ERI1: variants seen among roughly 807,000 people sequenced by gnomAD.
The protein encoded by ERI1 is exoribonuclease 1, also known as 3'-5' exoribonuclease 1.
Under a neutral mutation model 39.7 loss-of-function variants are expected in ERI1, and 39 were observed. The ratio of observed to expected loss-of-function variants is 0.98; its 90% CI spans 0.76 to 1.28. The LOEUF (loss-of-function observed/expected upper bound fraction) is 1.28. ERI1 is among the 50% of genes most tolerant of loss of function. The pLI is 0.00. For synonymous variants in ERI1, 204 were observed against 149.6 expected (o/e 1.36, Z -2.65); for missense variants, 581 against 416.9 (o/e 1.39, Z -3.43).
chr8:9,048,204 G>T (rs1478702811), intron 3 of ERI1, among the ~76,000 whole-genome samples: 1 of 152,258 alleles, frequency 6.6e-6, no homozygotes, highest in African/African-American at 2.4e-5. Context: ...GACCAGCGCA[G>T]ACGCTGGGCT....
chr8:9,068,605 C>T lies in ERI1; in HGVS notation n.300-47743C>T, dbSNP rs140485343. Among the ~76,000 whole-genome samples, 1,138 of 152,228 alleles carry T rather than the reference C, an allele frequency of 7.5e-3. 5 individuals are homozygous for T. The highest frequency in any genetic ancestry group is 0.011 in the Non-Finnish European group (755 of 68,000). ...CACCAAGCAAAGCAACCTCCTCCCT[C>T]GCCTTTAGGGTCCTCATATCCATGC... On this transcript the variant is annotated intron_variant and non_coding_transcript_variant, in intron 3 of 3. Coordinates refer to the ERI1 transcript ENST00000518663.
downstream of ERI1, among the ~76,000 whole-genome samples, chr8:9,037,465 G>T (rs1457277110): frequency 1.3e-5 from 2 of 150,684 alleles, no homozygotes; most frequent in Non-Finnish European, 1.5e-5. Context: ...CCCTTCATTT[G>T]TGCTGCAGAG....
At chr8:9,075,763 T>A (rs73520712) in intron 3 of ERI1, among the ~76,000 whole-genome samples, 7,285 of 152,298 alleles carry the variant, frequency 0.048, 537 homozygotes, top group African/African-American at 0.16. Context: ...CTATTAGGTT[T>A]ACTATTACAG....
intron 4 of ERI1, among the ~76,000 whole-genome samples, 178 bp downstream of exon 4, chr8:9,016,583 A>G (rs992424657): frequency 2.0e-5 from 3 of 152,030 alleles, no homozygotes; most frequent in Admixed American, 1.3e-4. Flanking sequence ...ATATCTGGTA[A>G]CATTTTCCTC....
chr8:9,083,390 G>A (rs1164994812), intron 3 of ERI1, among the ~76,000 whole-genome samples: 1 of 151,960 alleles, frequency 6.6e-6, no homozygotes. Flanking sequence ...ACCATCTAGG[G>A]GTCAAAAATT....
Position 9,015,412 on chromosome 8 carries a change from A to T in ERI1, c.499-910A>T, listed in dbSNP as rs111889438. Among the ~76,000 whole-genome samples the T allele has an allele frequency of 8.5e-3, 1,292 of 152,252 alleles. 30 individuals carry two copies. In the South Asian group the frequency reaches 0.092, roughly 11 times the overall value. ...AGTGTGTTCTGGTTAGGGAGGCATT[A>T]CTGGCTAGAGGAAAAAGCACTTAGA... On this transcript the variant is annotated intron_variant, in intron 3 of 6. Coordinates refer to ENST00000250263, the MANE Select transcript of ERI1 (RefSeq NM_153332.4).
chr8:9,050,084 A>G (rs1481840567), intron 3 of ERI1, among the ~76,000 whole-genome samples: 1 of 152,046 alleles, frequency 6.6e-6, no homozygotes, highest in Non-Finnish European at 1.5e-5. Context: ...AACTAATACT[A>G]TACCCCTCAC....
At chr8:9,013,445 C>G (rs144493404) in intron 3 of ERI1, among the ~76,000 whole-genome samples, 2 of 152,136 alleles carry the variant, frequency 1.3e-5, no homozygotes, top group East Asian at 3.9e-4. Context: ...GGATTCCCCA[C>G]TTGCAGTTTT....
At chr8:9,093,504 T>TAAAA (rs1040785856) in intron 3 of ERI1, among the ~76,000 whole-genome samples, 2 of 124,852 alleles carry the variant, frequency 1.6e-5, no homozygotes, top group African/African-American at 2.9e-5. Context: ...ACCTTGTCTC[T>TAAAA]AAAAAAAAAA....
chr8:9,006,237 C>A (rs1816008910), intron 1 of ERI1, among the ~76,000 whole-genome samples: 1 of 152,166 alleles, frequency 6.6e-6, no homozygotes, highest in Non-Finnish European at 1.5e-5. Flanking sequence ...ACACTGCTTT[C>A]TGAGGATTGG....
At chr8:9,024,053 G>A (rs1317075503) in intron 6 of ERI1, among the ~76,000 whole-genome samples, 1 of 152,022 alleles carries the variant, frequency 6.6e-6, no homozygotes, top group Non-Finnish European at 1.5e-5. Context: ...GCACACCTTG[G>A]CCGTCCAAAG....
chr8:9,024,054 C>T (rs537246700), intron 6 of ERI1, among the ~76,000 whole-genome samples: 1 of 152,060 alleles, frequency 6.6e-6, no homozygotes, highest in Non-Finnish European at 1.5e-5. Context: ...CACACCTTGG[C>T]CGTCCAAAGT....
chr8:9,004,564 C>T (rs1371891411), intron 1 of ERI1, among the ~76,000 whole-genome samples: 1 of 145,084 alleles, frequency 6.9e-6, no homozygotes, highest in Non-Finnish European at 1.5e-5. Flanking sequence ...ACTGGGGAGG[C>T]TCAGTGGGGA....
At position 9,084,863 on chromosome 8, in the gene ERI1, A is replaced by C. The variant is rs536061161; in HGVS notation, n.300-31485A>C. On this transcript the variant is annotated intron_variant and non_coding_transcript_variant, in intron 3 of 3. Coordinates refer to the ERI1 transcript ENST00000518663. ...AAGCTGAAGTGGAGAGGTGTACACA[A>C]GCACTTCAGTCGCTCAGGAGAAAAA... 4.6e-5 allele frequency among the ~76,000 whole-genome samples: 7 copies of C among 152,346 alleles called. No individual in the cohort carries two copies. The East Asian group carries it at 1.3e-3, about 29-fold the overall frequency.
chr8:9,018,765 A>G lies in ERI1; in HGVS notation c.692+359A>G, dbSNP rs1254890600. Among the ~76,000 whole-genome samples the G allele has an allele frequency of 4.6e-5, 7 of 152,180 alleles. No homozygotes were observed. In the South Asian group the frequency reaches 1.0e-3, roughly 23 times the overall value. On this transcript the variant is annotated intron_variant, in intron 5 of 6. Coordinates refer to ENST00000250263, the MANE Select transcript of ERI1 (RefSeq NM_153332.4). Reference sequence around the variant, plus strand: ...ACCTGTTTAATCTAATTCACCTGCCATTAATCCTCTTTAGTCAGACTGGCC... The same window carrying G: ...ACCTGTTTAATCTAATTCACCTGCCGTTAATCCTCTTTAGTCAGACTGGCC...
intron 6 of ERI1, among the ~76,000 whole-genome samples, chr8:9,028,087 A>C (rs890335663): frequency 1.3e-5 from 2 of 152,168 alleles, no homozygotes; most frequent in Admixed American, 6.6e-5. Flanking sequence ...TGCTGACCTT[A>C]ATGGAATGAG....
chr8:9,049,029 A>C (rs984770672), intron 3 of ERI1, among the ~76,000 whole-genome samples: 13 of 151,732 alleles, frequency 8.6e-5, no homozygotes, highest in African/African-American at 3.1e-4. Flanking sequence ...CACATAAATA[A>C]TGTTTGAATG....
intron 3 of ERI1, among the ~76,000 whole-genome samples, chr8:9,072,198 A>C (rs1296702464): frequency 1.3e-5 from 2 of 152,178 alleles, no homozygotes; most frequent in Non-Finnish European, 2.9e-5. Flanking sequence ...TTGGGTGATC[A>C]GTGTCCTTTG....
chr8:9,023,792 A>AAT (rs369208558), intron 6 of ERI1, among the ~76,000 whole-genome samples: 1 of 68,652 alleles, frequency 1.5e-5, no homozygotes, highest in African/African-American at 5.0e-5. Context: ...AGTAAAAATG[A>AAT]CTTTTTTTTT....
Sources: allele counts gnomAD v4.1 joint callset (sites outside exome capture counted in the v4.1 genomes callset), GRCh38; gene constraint gnomAD v4.1.1; transcripts MANE v1.5; gene names NCBI Gene and HGNC (gene_info 2026-07-23, HGNC 2026-07-21).